Variants in FLNC observed in about 807,000 individuals in gnomAD.
The protein encoded by FLNC is filamin C.
A neutral mutation model predicts 254.3 loss-of-function variants in FLNC; 91 were observed. The observed-to-expected ratio is 0.36, with a 90% CI of 0.30 to 0.43. FLNC has a LOEUF of 0.43. FLNC is among the 20% of genes least tolerant of loss of function. The probability of loss-of-function intolerance (pLI) is 1.00; values close to 1 mark genes in which losing one functional copy is unlikely to be tolerated. For synonymous variants in FLNC, 1,430 were observed against 1,577.2 expected, an observed-to-expected ratio of 0.91 and a Z score of 2.21; for missense variants, 2,853 against 3,802.6, an observed-to-expected ratio of 0.75 and a Z score of 6.57.
At position 128,846,089 on chromosome 7, in the gene FLNC, G is replaced by C; in HGVS notation, c.3890G>C (p.Gly1297Ala). Residue 1297 changes from glycine to alanine, a missense_variant, in exon 22 of 48, where the codon GGG (glycine) becomes GCG (alanine). Physicochemically the swap from Gly to Ala is moderately conservative, Grantham distance 60. Transcript: ENST00000325888. ...HVTARVLNPSGAKTDTYVTDN... is the reference protein window; with the variant it reads ...HVTARVLNPSAAKTDTYVTDN... ...ACGGCTCGTGTGCTCAACCCCTCGGGGGCCAAGACAGACACCTATGTGACA... is the reference window on the plus strand; with the variant it reads ...ACGGCTCGTGTGCTCAACCCCTCGGCGGCCAAGACAGACACCTATGTGACA... The C allele has an allele frequency of 6.2e-7, 1 of 1,614,020 alleles. No individual in the cohort carries two copies. Among genetic ancestry groups the C allele is most frequent in the African/African-American group, 1.3e-5 (1 of 75,020 alleles).
intron 1 of FLNC, among the ~76,000 whole-genome samples, chr7:128,834,333 G>A (rs1808012165): frequency 7.1e-6 from 1 of 141,616 alleles, no homozygotes; most frequent in African/African-American, 2.9e-5. Flanking sequence ...CAAATCTTGA[G>A]GAACCAGTTC....
intron 19 of FLNC, 25 bp from the exon 20 acceptor site, chr7:128,843,979 A>G (rs781472338): frequency 1.2e-6 from 2 of 1,614,088 alleles, no homozygotes; most frequent in South Asian, 1.1e-5. Context: ...GAGTCTCCTC[A>G]TGGTGTCACT....
rs1181641569 is a variant in FLNC, at chr7:128,838,072, C to T, written c.1047+8C>T. On this transcript the variant is annotated splice_region_variant and intron_variant, in intron 6 of 47. Transcript: ENST00000325888. ...GTCGCTGGGTTACACAAGGTATCTCCCTCTAGGCCCCCCTGCCTGCGCTGC... is the reference window on the plus strand; with the variant it reads ...GTCGCTGGGTTACACAAGGTATCTCTCTCTAGGCCCCCCTGCCTGCGCTGC... 6.2e-7 allele frequency: 1 copy of T among 1,609,720 alleles called. No individual in the cohort carries two copies. The highest frequency in any genetic ancestry group is 1.3e-5 in the African/African-American group (1 of 74,744).
At position 128,843,351 on chromosome 7, in the gene FLNC, C is replaced by T. The variant is rs368898778; in HGVS notation, c.2641+32C>T. ...GTCTGGGCAGGGGCTGGGACTGGCT[C>T]GAGGTTGGGGTTAGGTGGCTGCCAG... is the stretch of plus-strand genomic sequence containing the variant. On this transcript the variant is annotated intron_variant, in intron 17 of 47. Coordinates refer to ENST00000325888, the MANE Select transcript of FLNC (RefSeq NM_001458.5). 63 of 1,612,502 alleles carry T rather than the reference C, an allele frequency of 3.9e-5. No homozygotes were observed. In the African/African-American group the frequency reaches 5.9e-4, roughly 15 times the overall value.
In FLNC at chr7:128,842,331, T is replaced by C; in HGVS notation, c.2222T>C (p.Ile741Thr). 5 of 1,613,762 alleles carry C rather than the reference T, an allele frequency of 3.1e-6. No homozygotes were observed. The highest frequency in any genetic ancestry group is 4.2e-6 in the Non-Finnish European group (5 of 1,179,998). The change falls in exon 14 of 48, where the codon ATC becomes ACC. Residue 741 changes from isoleucine to threonine, a missense_variant. Transcript: ENST00000325888. This position sits in a 1 kb window ranked among gnomAD's most constrained non-coding sequence, Gnocchi z 5.4. ...ACCAAGCCCATTAAGCACACCATCA[T>C]CATCTCCTGGGGAGGCGTAAACGTG... ...VPTKPIKHTIIISWGGVNVPK... is the reference protein window; with the variant it reads ...VPTKPIKHTITISWGGVNVPK...
In FLNC at chr7:128,850,047, C is replaced by T. The variant is rs1320649326; in HGVS notation, c.5271C>T (p.Pro1757=). 1 of 1,547,082 alleles carries T rather than the reference C, an allele frequency of 6.5e-7. No homozygotes were observed. Among genetic ancestry groups the T allele is most frequent in the South Asian group, 1.2e-5 (1 of 84,706 alleles). The change falls in exon 31 of 48, where the codon CCC becomes CCT. Residue 1757 remains proline, a synonymous_variant. Transcript: ENST00000325888. ...AGCTGCGCCAGCCCTACGCTCCTCC[C>T]CGGCCCGGCGCCCGCCCCACACACT... The part of the protein sequence containing the change: ...VPQLRQPYAP[P]RPGARPTHWA...
chr7:128,834,246 A>G (rs1247346112), intron 1 of FLNC, among the ~76,000 whole-genome samples: 1 of 148,466 alleles, frequency 6.7e-6, no homozygotes, highest in African/African-American at 2.6e-5. Flanking sequence ...CCAAAGATCT[A>G]TCTACATGCT....
At position 128,859,240 on chromosome 7, in the gene FLNC, G is replaced by A. The variant is rs117394163; in HGVS notation, c.*717G>A. 0.022 allele frequency: 3,422 copies of A among 152,892 alleles called. 67 individuals are homozygous for A. The highest frequency in any genetic ancestry group is 0.033 in the Non-Finnish European group (2,241 of 68,160). 9.5% of individuals were successfully genotyped at this position (152,892 alleles called of 1,614,324 possible). On this transcript the variant is annotated 3_prime_UTR_variant, in exon 48 of 48. Coordinates refer to ENST00000325888, the MANE Select transcript of FLNC (RefSeq NM_001458.5). Reference sequence around the variant, plus strand: ...TGCAGCTCAGCTGGGAGCTGCTTAGGTGGAAAACTCCAAATAAAGTGCGGC... The same window carrying A: ...TGCAGCTCAGCTGGGAGCTGCTTAGATGGAAAACTCCAAATAAAGTGCGGC...
At position 128,846,081 on chromosome 7, in the gene FLNC, C is replaced by G. The variant is rs1808552408; in HGVS notation, c.3882C>G (p.Asn1294Lys). The change falls in exon 22 of 48, where the codon AAC (asparagine) becomes AAG (lysine). Residue 1294 changes from asparagine to lysine, a missense_variant. This residue lies in a region of FLNC where 1,573 missense variants were observed against 1,883.5 expected (regional missense o/e 0.84). Transcript: ENST00000325888. ...ACCACGTGACGGCTCGTGTGCTCAA[C>G]CCCTCGGGGGCCAAGACAGACACCT... ...GGNHVTARVL[N>K]PSGAKTDTYV... 1 of 1,613,976 alleles carries G rather than the reference C, an allele frequency of 6.2e-7. No homozygotes were observed. The highest frequency in any genetic ancestry group is 8.5e-7 in the Non-Finnish European group (1 of 1,180,006).
chr7:128,851,838 A>G (rs1434006507), intron 35 of FLNC, among the ~76,000 whole-genome samples: 1 of 152,202 alleles, frequency 6.6e-6, no homozygotes, highest in Non-Finnish European at 1.5e-5. Flanking sequence ...CTGAAAACAC[A>G]TTGCCTCATT....
intron 1 of FLNC, among the ~76,000 whole-genome samples, chr7:128,832,321 G>T (rs1036323624): frequency 6.6e-6 from 1 of 152,226 alleles, no homozygotes; most frequent in Admixed American, 6.5e-5. Flanking sequence ...AGGGCAGGGG[G>T]TGGGGGAGGG....
rs922960289 is a variant in FLNC at position 128,838,387 on chromosome 7, A to C, written c.1168A>C (p.Asn390His). The change falls in exon 7 of 48, where the codon AAT becomes CAT. Residue 390 changes from asparagine to histidine, a missense_variant. This residue lies in a region of FLNC where 1,573 missense variants were observed against 1,883.5 expected (regional missense o/e 0.84). Coordinates refer to ENST00000325888, the MANE Select transcript of FLNC (RefSeq NM_001458.5). ...ARGPGLEPVG[N>H]VANKPTYFDI... ...TGGCCCTGGCCTGGAACCTGTGGGC[A>C]ATGTGGCCAACAAACCCACCTACTT... 9.9e-6 allele frequency: 16 copies of C among 1,613,868 alleles called. No homozygotes were observed. In the Admixed American group the frequency reaches 2.5e-4, roughly 25 times the overall value.
At chr7:128,843,959 G>T (rs2128936132) in intron 19 of FLNC, 45 bp from the exon 20 acceptor site, 1 of 1,614,116 alleles carries the variant, frequency 6.2e-7, no homozygotes, top group Non-Finnish European at 8.5e-7. Context: ...TATTCGGGTA[G>T]GGTGGACCGG....
In FLNC at chr7:128,830,668, G is replaced by A. The variant is rs370512642; in HGVS notation, c.31G>A (p.Gly11Ser). The stretch of plus-strand genomic sequence containing the variant: ...GAACAACAGCGGCTACTCAGACGCC[G>A]GCCTCGGCCTGGGCGATGAGACAGA... MMNNSGYSDAGLGLGDETDEM... is the reference protein window; with the variant it reads MMNNSGYSDASLGLGDETDEM... Residue 11 changes from glycine to serine, a missense_variant, in exon 1 of 48, where the codon GGC becomes AGC. This residue lies in a region of FLNC where 37 missense variants were observed against 32.7 expected (regional missense o/e 1.13). Coordinates refer to ENST00000325888, the MANE Select transcript of FLNC (RefSeq NM_001458.5). The A allele has an allele frequency of 3.2e-5, 52 of 1,612,554 alleles. No homozygotes were observed. In the African/African-American group the frequency reaches 5.6e-4, roughly 17 times the overall value.
rs756475814 is a variant in FLNC, at chr7:128,842,882, C to T, written c.2478C>T (p.Asn826=). The stretch of plus-strand genomic sequence containing the variant: ...ACTTCGACATCATCAAGAATGACAA[C>T]GACACCTTCACCGTCAAGTACACGC... ...DIDFDIIKND[N]DTFTVKYTPP... is the part of the protein sequence containing the mutation. Residue 826 remains asparagine, a synonymous_variant, in exon 16 of 48, where the codon AAC becomes AAT. Coordinates refer to ENST00000325888, the MANE Select transcript of FLNC (RefSeq NM_001458.5). This position sits in a 1 kb window ranked among gnomAD's most constrained non-coding sequence, Gnocchi z 5.4. The T allele has an allele frequency of 8.7e-6, 14 of 1,614,056 alleles. No homozygotes were observed. The highest frequency in any genetic ancestry group is 1.6e-4 in the Middle Eastern group (1 of 6,062).
chr7:128,838,914 T>C (rs1808217198), intron 8 of FLNC, 111 bp downstream of exon 8: 7 of 935,954 alleles, frequency 7.5e-6, no homozygotes, highest in Non-Finnish European at 1.2e-5. Flanking sequence ...CCCTGAGTCC[T>C]CCATCCCACC....
At chr7:128,832,364 G>C (rs1214632304) in intron 1 of FLNC, among the ~76,000 whole-genome samples, 1 of 152,222 alleles carries the variant, frequency 6.6e-6, no homozygotes, top group Non-Finnish European at 1.5e-5. Context: ...TGAGGGCTAC[G>C]TGATGGAGGC....
chr7:128,858,174 C>T lies in FLNC; in HGVS notation c.7947C>T (p.Phe2649=), dbSNP rs368849358. ...GGGGCCCTGGGCTGTCCCAGGCCTTCGTGGGCCAGAAGAACTCCTTCACCG... is the reference window on the plus strand; with the variant it reads ...GGGGCCCTGGGCTGTCCCAGGCCTTTGTGGGCCAGAAGAACTCCTTCACCG... ...VTRGPGLSQA[F]VGQKNSFTVD... is the part of the protein sequence containing the mutation. Residue 2649 remains phenylalanine (F), a synonymous_variant, in exon 47 of 48, where the codon TTC becomes TTT. Transcript: ENST00000325888. This position sits in a 1 kb window ranked among gnomAD's most constrained non-coding sequence, Gnocchi z 6.7. 1.1e-3 allele frequency: 1,645 copies of T among 1,564,578 alleles called. 1 individual carries two copies. Among genetic ancestry groups the T allele is most frequent in the Non-Finnish European group, 1.3e-3 (1,510 of 1,135,688 alleles).
Position 128,858,582 on chromosome 7 carries a change from C to G in FLNC, c.*59C>G. 1 of 860,800 alleles carries G rather than the reference C, an allele frequency of 1.2e-6. No homozygotes were observed. The highest frequency in any genetic ancestry group is 1.8e-6 in the Non-Finnish European group (1 of 555,898). 53.3% of individuals were successfully genotyped at this position (860,800 alleles called of 1,614,324 possible). Reference sequence around the variant, plus strand: ...CCTCCAGCCACACACACATTACACACACACACACACACACACAAATGTGCC... The same window carrying G: ...CCTCCAGCCACACACACATTACACAGACACACACACACACACAAATGTGCC... On this transcript the variant is annotated 3_prime_UTR_variant, in exon 48 of 48. Coordinates refer to ENST00000325888, the MANE Select transcript of FLNC (RefSeq NM_001458.5). This position sits in a 1 kb window ranked among gnomAD's most constrained non-coding sequence, Gnocchi z 6.7.
Sources: gnomAD v4.1 joint callset for allele counts (sites outside exome capture counted in the v4.1 genomes callset) on GRCh38, gnomAD v4.1.1 for gene constraint, gnomAD v4.1.1 regional missense constraint, Gnocchi (gnomAD v3.1) non-coding constraint, MANE v1.5 for transcripts, NCBI Gene and HGNC (gene_info 2026-07-23, HGNC 2026-07-21) for gene names.